Variants in MRTFA observed in about 807,000 individuals in gnomAD.
MRTFA encodes the protein myocardin-related transcription factor A.
A neutral mutation model predicts 83.5 loss-of-function variants in MRTFA; 20 were observed. The ratio of observed to expected loss-of-function variants is 0.24; its 90% CI spans 0.17 to 0.35. The LOEUF is 0.35. Among genes scored for constraint, MRTFA ranks in the 10% least tolerant of loss-of-function variants. The pLI is 1.00. For missense variants in MRTFA, 1,200 were observed against 1,224.7 expected (o/e 0.98, Z 0.30); for synonymous variants, 659 against 541.2 (o/e 1.22, Z -3.02).
intron 7 of MRTFA, among the ~76,000 whole-genome samples, chr22:40,424,830 G>C (rs974822697): frequency 6.6e-6 from 1 of 152,190 alleles, no homozygotes; most frequent in African/African-American, 2.4e-5. Context: ...CTTACAGATG[G>C]TGCAGTGAGG....
chr22:40,417,826 G>T, intron 12 of MRTFA: 1 of 298,498 alleles, frequency 3.4e-6, no homozygotes, highest in Non-Finnish European at 6.3e-6. Flanking sequence ...ACCTGTTCCT[G>T]TCACTGTCTT....
chr22:40,483,510 C>T (rs1217819780), intron 3 of MRTFA, among the ~76,000 whole-genome samples: 1 of 151,388 alleles, frequency 6.6e-6, no homozygotes, highest in South Asian at 2.1e-4. Context: ...ATGGTGAAAC[C>T]CCATCTCTAC....
At chr22:40,413,824 G>A (rs1306152856) in intron 14 of MRTFA, among the ~76,000 whole-genome samples, 1 of 152,178 alleles carries the variant, frequency 6.6e-6, no homozygotes, top group Non-Finnish European at 1.5e-5. Flanking sequence ...CAAATGGTCA[G>A]GCAGCACATG....
chr22:40,427,160 G>C lies in MRTFA; in HGVS notation c.601+2446C>G, dbSNP rs187340662. 9.8e-5 allele frequency among the ~76,000 whole-genome samples: 15 copies of C among 152,356 alleles called. 1 individual carries two copies. Among genetic ancestry groups the C allele is most frequent in the Admixed American group, 7.2e-4 (11 of 15,308 alleles). On this transcript the variant is annotated intron_variant, in intron 7 of 14. Coordinates refer to ENST00000355630, the MANE Select transcript of MRTFA (RefSeq NM_020831.6). Reference sequence around the variant, plus strand: ...GCACACATTTATCAGACTGTGGCTGGCTGCAGCATCCAGAACTGGCTTGGC... The same window carrying C: ...GCACACATTTATCAGACTGTGGCTGCCTGCAGCATCCAGAACTGGCTTGGC...
chr22:40,490,916 GCTC>G (rs1321602939), intron 3 of MRTFA, among the ~76,000 whole-genome samples: 3 of 152,258 alleles, frequency 2.0e-5, no homozygotes, highest in Non-Finnish European at 2.9e-5. Context: ...TTTGGATAAA[GCTC>G]CTATTGTCGT....
At chr22:40,459,834 T>TATATATATATATATATAC (rs2053674922) in intron 4 of MRTFA, among the ~76,000 whole-genome samples, 3 of 98,510 alleles carry the variant, frequency 3.0e-5, no homozygotes, top group African/African-American at 1.3e-4. Context: ...TATATACATA[T>TATATATATATATATATAC]ATATATATAT....
chr22:40,412,458 G>T, intron 14 of MRTFA: 1 of 152,242 alleles, frequency 6.6e-6, no homozygotes, highest in East Asian at 1.9e-4. Flanking sequence ...ATTACCATAT[G>T]ATCTAGCAAT....
intron 3 of MRTFA, among the ~76,000 whole-genome samples, chr22:40,550,871 G>C (rs895505120): frequency 8.2e-6 from 1 of 122,278 alleles, no homozygotes. Flanking sequence ...TTTTTTTTGA[G>C]ACGGAATTTT....
intron 3 of MRTFA, chr22:40,533,839 G>A (rs1193014978): frequency 1.8e-5 from 7 of 383,400 alleles, no homozygotes; most frequent in Admixed American, 9.0e-5. Flanking sequence ...AATTACTGCC[G>A]ACAGGAAACC....
At chr22:40,516,263 A>G (rs1351453078) in intron 3 of MRTFA, among the ~76,000 whole-genome samples, 1 of 151,892 alleles carries the variant, frequency 6.6e-6, no homozygotes, top group Non-Finnish European at 1.5e-5. Flanking sequence ...TACTAAAAAT[A>G]CAAAAATTAG....
intron 10 of MRTFA, 129 bp downstream of exon 10, chr22:40,420,718 G>A: frequency 6.5e-7 from 1 of 1,536,394 alleles, no homozygotes; most frequent in Non-Finnish European, 8.8e-7. Context: ...CCTGCCTGCA[G>A]ACCACTCTGT....
intron 3 of MRTFA, among the ~76,000 whole-genome samples, chr22:40,475,121 G>T (rs978862487): frequency 6.6e-6 from 1 of 152,114 alleles, no homozygotes; most frequent in African/African-American, 2.4e-5. Context: ...TTACAGGTGT[G>T]AGCCACTGCG....
chr22:40,502,091 C>T (rs2054494209), intron 3 of MRTFA, among the ~76,000 whole-genome samples: 1 of 140,994 alleles, frequency 7.1e-6, no homozygotes, highest in Non-Finnish European at 1.6e-5. Flanking sequence ...CTCCTCACTT[C>T]CCAGTAGGGG....
At chr22:40,490,521 C>A (rs2054254975) in intron 3 of MRTFA, among the ~76,000 whole-genome samples, 1 of 151,766 alleles carries the variant, frequency 6.6e-6, no homozygotes, top group Non-Finnish European at 1.5e-5. Flanking sequence ...ATGGTATTAA[C>A]CCAGGAGGCG....
intron 1 of MRTFA, among the ~76,000 whole-genome samples, chr22:40,629,775 CAAAAA>C (rs766356425): frequency 7.4e-5 from 3 of 40,340 alleles, no homozygotes; most frequent in African/African-American, 1.8e-4. Flanking sequence ...GATTCCATCT[CAAAAA>C]AAAAAAAAAA....
At chr22:40,413,752 C>A (rs1037085100) in intron 14 of MRTFA, among the ~76,000 whole-genome samples, 3 of 152,116 alleles carry the variant, frequency 2.0e-5, no homozygotes, top group African/African-American at 4.8e-5. Flanking sequence ...CGATTTATCA[C>A]AATTTTTAAA....
intron 14 of MRTFA, chr22:40,412,665 G>GAGAC (rs1417448348): frequency 6.6e-6 from 1 of 152,186 alleles, no homozygotes; most frequent in Non-Finnish European, 1.5e-5. Context: ...CAAAATCATA[G>GAGAC]AGACAGAAAG....
intron 3 of MRTFA, among the ~76,000 whole-genome samples, chr22:40,508,624 G>A (rs1432060426): frequency 4.7e-5 from 7 of 149,256 alleles, no homozygotes; most frequent in Admixed American, 4.7e-4. Flanking sequence ...AGTTGAGGTT[G>A]TCTCTCAATT....
At chr22:40,461,660 G>A (rs1433284766) in intron 4 of MRTFA, among the ~76,000 whole-genome samples, 14 of 149,274 alleles carry the variant, frequency 9.4e-5, no homozygotes, top group Non-Finnish European at 1.3e-4. Flanking sequence ...TTAGCCAGGC[G>A]CTGTGGTGGG....
Sources: allele counts gnomAD v4.1 joint callset (sites outside exome capture counted in the v4.1 genomes callset), GRCh38; gene constraint gnomAD v4.1.1; transcripts MANE v1.5; gene names NCBI Gene and HGNC (gene_info 2026-07-23, HGNC 2026-07-21).